DENND1C: variants seen among roughly 807,000 people sequenced by gnomAD.
DENND1C encodes the protein DENN domain-containing protein 1C.
A neutral mutation model predicts 87.9 loss-of-function variants in DENND1C; 64 were observed. The ratio of observed to expected loss-of-function variants is 0.73; its 90% CI spans 0.60 to 0.90. The LOEUF (loss-of-function observed/expected upper bound fraction) is 0.90. DENND1C is among the 40% of genes least tolerant of loss of function. DENND1C has a pLI of 0.00. For synonymous variants in DENND1C, 384 were observed against 424.4 expected (o/e 0.90, Z 1.17); for missense variants, 980 against 1,037.0 (o/e 0.95, Z 0.76).
intron 4 of DENND1C, 60 bp downstream of exon 4, chr19:6,479,609 C>A: frequency 6.2e-7 from 1 of 1,611,008 alleles, no homozygotes; most frequent in African/African-American, 1.3e-5. Context: ...GGTGTTGAGT[C>A]CTTGGGGCCC....
intron 4 of DENND1C, 147 bp downstream of exon 4, chr19:6,479,522 C>A: frequency 1.0e-6 from 1 of 976,236 alleles, no homozygotes; most frequent in Non-Finnish European, 1.6e-6. Context: ...GTCCCTAGTT[C>A]TCAGGGCCCC....
intron 20 of DENND1C, 85 bp downstream of exon 20, chr19:6,468,761 G>T: frequency 7.2e-7 from 1 of 1,390,238 alleles, no homozygotes. Context: ...TGAAGAAGGA[G>T]GTGAGATGTC....
chr19:6,481,704 C>A lies in DENND1C; in HGVS notation c.-9G>T. On this transcript the variant is annotated 5_prime_UTR_variant, in exon 1 of 23. Coordinates refer to ENST00000381480, the MANE Select transcript of DENND1C (RefSeq NM_024898.4). ...TCAGCTCTGGATTCCATGGTCCCTGCAGGGCCAGCCCAGCGGGGCCCTCTC... is the reference window on the plus strand; with the variant it reads ...TCAGCTCTGGATTCCATGGTCCCTGAAGGGCCAGCCCAGCGGGGCCCTCTC... 2 of 1,585,332 alleles carry A rather than the reference C, an allele frequency of 1.3e-6. No individual in the cohort carries two copies. Among genetic ancestry groups the A allele is most frequent in the Non-Finnish European group, 1.7e-6 (2 of 1,167,498 alleles).
At position 6,480,158 on chromosome 19, in the gene DENND1C, C is replaced by T. The variant is rs1229624684; in HGVS notation, c.18-107G>A. On this transcript the variant is annotated intron_variant, in intron 1 of 22. Coordinates refer to ENST00000381480, the MANE Select transcript of DENND1C (RefSeq NM_024898.4). ...TGTGTGCATGTGCCACAAGGTGCGT[C>T]GGCATGTGCATGACTCTGGGGGTTT... 5.9e-6 allele frequency: 9 copies of T among 1,518,302 alleles called. No homozygotes were observed. In the African/African-American group the frequency reaches 6.9e-5, roughly 12 times the overall value. 94.1% of individuals were successfully genotyped at this position (1,518,302 alleles called of 1,614,324 possible). A position where few individuals can be genotyped will look rare whatever the true frequency, so the allele number is the denominator to read the frequency against.
At chr19:6,476,832 C>G in intron 10 of DENND1C, 25 bp downstream of exon 10, 2 of 1,601,114 alleles carry the variant, frequency 1.2e-6, no homozygotes, top group Non-Finnish European at 1.7e-6. Flanking sequence ...CTGCTCCCAC[C>G]CCGGCCCGGC....
In DENND1C at chr19:6,479,656, C is replaced by T. The variant is rs755962231; in HGVS notation, c.176+13G>A. ...GAGTCCCTGAGTCCTTGGATCTCCC[C>T]GCCCTTCCGTACCTTTCCACATCAA... On this transcript the variant is annotated intron_variant, in intron 4 of 22. Transcript: ENST00000381480. 34 of 1,613,640 alleles carry T rather than the reference C, an allele frequency of 2.1e-5. No individual in the cohort carries two copies. Among genetic ancestry groups the T allele is most frequent in the Middle Eastern group, 1.6e-4 (1 of 6,084 alleles).
chr19:6,475,628 T>G, intron 12 of DENND1C, 43 bp from the exon 13 acceptor site: 1 of 1,613,658 alleles, frequency 6.2e-7, no homozygotes, highest in Non-Finnish European at 8.5e-7. Flanking sequence ...CGGGAGTCCT[T>G]GGCAGAGGAG....
At chr19:6,470,422 T>C in intron 17 of DENND1C, 56 bp from the exon 18 acceptor site, 1 of 1,555,100 alleles carries the variant, frequency 6.4e-7, no homozygotes, top group Non-Finnish European at 8.8e-7. Context: ...CACCTCCCCA[T>C]CCCAGGTTGT....
intron 19 of DENND1C, 74 bp from the exon 20 acceptor site, chr19:6,469,027 T>TA: frequency 4.4e-6 from 4 of 903,374 alleles, no homozygotes; most frequent in Non-Finnish European, 5.9e-6. Flanking sequence ...GGTCTTTAGT[T>TA]AGTCTTTTTT....
chr19:6,470,060 C>A, intron 18 of DENND1C: 1 of 348,104 alleles, frequency 2.9e-6, no homozygotes, highest in Non-Finnish European at 5.1e-6. Flanking sequence ...TTAAAGGGGC[C>A]GTGGGCGGGG....
chr19:6,479,206 T>C, intron 4 of DENND1C, 150 bp from the exon 5 acceptor site: 1 of 1,155,178 alleles, frequency 8.7e-7, no homozygotes, highest in Non-Finnish European at 1.2e-6. Flanking sequence ...TCAGAATCCC[T>C]GGGTCCCTGA....
At position 6,470,292 on chromosome 19, in the gene DENND1C, C is replaced by A; in HGVS notation, c.1362+3G>T. 1 of 1,606,436 alleles carries A rather than the reference C, an allele frequency of 6.2e-7. No homozygotes were observed. The highest frequency in any genetic ancestry group is 8.5e-7 in the Non-Finnish European group (1 of 1,176,844). On this transcript the variant is annotated splice_donor_region_variant and intron_variant, in intron 18 of 22. Coordinates refer to ENST00000381480, the MANE Select transcript of DENND1C (RefSeq NM_024898.4). ...AAGAGTGGCCTGTCCAGCTCAGCCT[C>A]ACCGAGCGGTACATGTTCTTGACGG...
In DENND1C at chr19:6,468,328, C is replaced by T. The variant is rs200635528; in HGVS notation, c.1697G>A (p.Ser566Asn). The T allele has an allele frequency of 1.1e-4, 184 of 1,613,842 alleles. No homozygotes were observed. The African/African-American group carries it at 2.1e-3, about 18-fold the overall frequency. ...TGCGCTCTTGGCTCCCATGCTAAGA[C>T]TGTCCAGAATCTCGCTCAACAAATC... is the stretch of plus-strand genomic sequence containing the variant. ...ELDLLSEILDSLSMGAKSAGS... is the reference protein window; with the variant it reads ...ELDLLSEILDNLSMGAKSAGS... The change falls in exon 22 of 23, where the codon AGT (serine) becomes AAT (asparagine). Residue 566 changes from serine to asparagine, a missense_variant. Physicochemically the swap from Ser to Asn is conservative, Grantham distance 46 (BLOSUM62 1). Coordinates refer to ENST00000381480, the MANE Select transcript of DENND1C (RefSeq NM_024898.4).
At chr19:6,475,793 G>A in intron 11 of DENND1C, 42 bp from the exon 12 acceptor site, 1 of 1,526,592 alleles carries the variant, frequency 6.6e-7, no homozygotes, top group Non-Finnish European at 8.8e-7. Flanking sequence ...ACCGCCCCCA[G>A]GGCCTGCCCA....
At chr19:6,468,210 T>TG in intron 22 of DENND1C, 24 bp downstream of exon 22, 1 of 1,612,320 alleles carries the variant, frequency 6.2e-7, no homozygotes, top group Non-Finnish European at 8.5e-7. Context: ...GGGGTAGGGT[T>TG]GGGGGAGTGG....
chr19:6,467,384 G>C lies in DENND1C; in HGVS notation c.*120C>G. 7.5e-7 allele frequency: 1 copy of C among 1,328,818 alleles called. No homozygotes were observed. The highest frequency in any genetic ancestry group is 1.8e-5 in the South Asian group (1 of 55,796). 82.3% of individuals were successfully genotyped at this position (1,328,818 alleles called of 1,614,324 possible). The stretch of plus-strand genomic sequence containing the variant: ...GGCTGCCCTTGGAGGGACAGAGGTG[G>C]GTGGGATGGATTTCCGAGCAGAGTG... On this transcript the variant is annotated 3_prime_UTR_variant, in exon 23 of 23. Coordinates refer to ENST00000381480, the MANE Select transcript of DENND1C (RefSeq NM_024898.4).
chr19:6,476,246 C>T (rs2092859437), intron 10 of DENND1C: 1 of 367,644 alleles, frequency 2.7e-6, no homozygotes, highest in African/African-American at 2.1e-5. Flanking sequence ...ACTGACTCCA[C>T]CCCGAAAGAG....
At chr19:6,474,249 A>G (rs1041424494) in intron 14 of DENND1C, among the ~76,000 whole-genome samples, 2 of 151,886 alleles carry the variant, frequency 1.3e-5, no homozygotes, top group Admixed American at 1.3e-4. Flanking sequence ...GGGGAGTCCC[A>G]GTTTTTGGGA....
At position 6,467,701 on chromosome 19, in the gene DENND1C, G is replaced by A; in HGVS notation, c.2209C>T (p.Pro737Ser). The A allele has an allele frequency of 6.6e-7, 1 of 1,521,756 alleles. No individual in the cohort carries two copies. Among genetic ancestry groups the A allele is most frequent in the Non-Finnish European group, 8.8e-7 (1 of 1,137,784 alleles). 94.3% of individuals were successfully genotyped at this position (1,521,756 alleles called of 1,614,324 possible). The change falls in exon 23 of 23, where the codon CCT becomes TCT. Residue 737 changes from proline to serine, a missense_variant. By Grantham distance (74) the Pro-to-Ser change is moderately conservative. Coordinates refer to ENST00000381480, the MANE Select transcript of DENND1C (RefSeq NM_024898.4). Reference protein sequence around the residue: ...DIAWTSQPLDPSSDPSSLEDP... With the variant: ...DIAWTSQPLDSSSDPSSLEDP... ...TCCAGAGAACTGGGGTCTGAGGAAG[G>A]ATCAAGGGGCTGGGACGTCCAGGCT...
Sources: allele counts gnomAD v4.1 joint callset (sites outside exome capture counted in the v4.1 genomes callset), GRCh38; gene constraint gnomAD v4.1.1; transcripts MANE v1.5; gene names NCBI Gene and HGNC (gene_info 2026-07-23, HGNC 2026-07-21).